The following ATAD2B variants were observed in gnomAD, a reference collection of about 807,000 sequenced individuals.
ATAD2B encodes the protein ATPase family AAA domain-containing protein 2B.
Under a neutral mutation model 167.6 loss-of-function variants are expected in ATAD2B, and 40 were observed. That is an observed-to-expected ratio of 0.24 (90% confidence interval 0.19 to 0.31). The LOEUF (loss-of-function observed/expected upper bound fraction) is 0.31. ATAD2B is among the 10% of genes least tolerant of loss of function. The pLI is 1.00. For synonymous variants in ATAD2B, 579 were observed against 596.5 expected (o/e 0.97, Z 0.43); for missense variants, 1,242 against 1,757.2 (o/e 0.71, Z 5.24).
intron 17 of ATAD2B, among the ~76,000 whole-genome samples, chr2:23,814,777 T>C (rs1686169182): frequency 6.6e-6 from 1 of 152,082 alleles, no homozygotes; most frequent in Non-Finnish European, 1.5e-5. Context: ...GAATGTGGCC[T>C]GGCGCAGTGT....
intron 10 of ATAD2B, among the ~76,000 whole-genome samples, chr2:23,866,836 G>T (rs969761348): frequency 1.3e-5 from 2 of 151,762 alleles, no homozygotes; most frequent in African/African-American, 4.8e-5. Flanking sequence ...AGAGATTTTT[G>T]GGAAAAAAGA....
chr2:23,756,492 C>G (rs938785724), intron 25 of ATAD2B, among the ~76,000 whole-genome samples: 1 of 152,072 alleles, frequency 6.6e-6, no homozygotes, highest in Non-Finnish European at 1.5e-5. Flanking sequence ...AGGATAGCCT[C>G]CTATAAGAGT....
chr2:23,736,852 C>T, the ATAD2B span, among the ~76,000 whole-genome samples: 8 of 152,172 alleles, frequency 5.3e-5, no homozygotes, highest in African/African-American at 1.2e-4. Context: ...CCTAATACTG[C>T]GCTTTTCCAA....
chr2:23,760,690 TTATATA>T (rs60333740), intron 24 of ATAD2B, among the ~76,000 whole-genome samples: 2 of 118,298 alleles, frequency 1.7e-5, no homozygotes, highest in African/African-American at 6.3e-5. Flanking sequence ...ATAAATAAAT[TTATATA>T]TATACACACA....
At chr2:23,832,083 C>T (rs1239161354) in intron 14 of ATAD2B, 2 of 344,694 alleles carry the variant, frequency 5.8e-6, no homozygotes, top group East Asian at 8.6e-5. Context: ...AATACAATGA[C>T]GAATTTTCTG....
At chr2:23,768,768 A>AT (rs1445613058) in intron 22 of ATAD2B, among the ~76,000 whole-genome samples, 1 of 152,148 alleles carries the variant, frequency 6.6e-6, no homozygotes. Flanking sequence ...TTTAATCAGG[A>AT]TTCTTTCACT....
chr2:23,746,458 T>C (rs1485111110), downstream of ATAD2B, among the ~76,000 whole-genome samples: 2 of 152,224 alleles, frequency 1.3e-5, no homozygotes, highest in Admixed American at 6.5e-5. Flanking sequence ...TATGTTAAAT[T>C]ATAAAAATGT....
intron 2 of ATAD2B, among the ~76,000 whole-genome samples, chr2:23,891,505 T>A (rs1179836576): frequency 6.6e-6 from 1 of 151,964 alleles, no homozygotes; most frequent in Non-Finnish European, 1.5e-5. Flanking sequence ...TTATTTATTA[T>A]TTTTTGAGGG....
intron 25 of ATAD2B, among the ~76,000 whole-genome samples, chr2:23,756,215 C>G (rs1675935316): frequency 1.3e-5 from 2 of 151,996 alleles, no homozygotes; most frequent in African/African-American, 4.8e-5. Flanking sequence ...ATCTGATAGC[C>G]CAGAATGAAT....
At chr2:23,723,740 T>G in the ATAD2B span, among the ~76,000 whole-genome samples, 1 of 152,104 alleles carries the variant, frequency 6.6e-6, no homozygotes, top group Non-Finnish European at 1.5e-5. Flanking sequence ...AACTACCATA[T>G]GATCCAGGAG....
chr2:23,858,024 T>A (rs1004313120), intron 12 of ATAD2B, among the ~76,000 whole-genome samples: 1 of 152,036 alleles, frequency 6.6e-6, no homozygotes, highest in South Asian at 2.1e-4. Context: ...ATTACAGGTG[T>A]GAGCCACCAC....
At chr2:23,840,348 A>G (rs981773353) in intron 13 of ATAD2B, among the ~76,000 whole-genome samples, 3 of 152,198 alleles carry the variant, frequency 2.0e-5, no homozygotes, top group Non-Finnish European at 4.4e-5. Flanking sequence ...TCTTCTTCTT[A>G]TCATGACCAA....
chr2:23,872,928 A>G (rs17038360), intron 8 of ATAD2B: 135,866 of 762,022 alleles, frequency 0.18, 13,070 homozygotes, highest in Middle Eastern at 0.25. Flanking sequence ...CCGGGCTCAC[A>G]TTGGCATTGT....
intron 1 of ATAD2B, among the ~76,000 whole-genome samples, chr2:23,908,463 CAATCATTAAA>C (rs1443025393): frequency 6.6e-6 from 1 of 152,116 alleles, no homozygotes; most frequent in Non-Finnish European, 1.5e-5. Flanking sequence ...GTTAGAATGG[CAATCATTAAA>C]AAGTCAGAAA....
intron 10 of ATAD2B, among the ~76,000 whole-genome samples, chr2:23,867,191 A>G (rs926073313): frequency 2.6e-5 from 4 of 152,158 alleles, no homozygotes; most frequent in Non-Finnish European, 5.9e-5. Context: ...TTCCTGCCTC[A>G]AACATTTATT....
In ATAD2B at chr2:23,885,333, TA is replaced by T. The variant is rs1222030956; in HGVS notation, c.675+393del. On this transcript the variant is annotated intron_variant, in intron 5 of 27. Transcript: ENST00000238789. Reference sequence around the variant, plus strand: ...CACTAACTAGAAATATTAACAAGAGTAAAAGTTATAGGAATAAGAATGATTT... The same window carrying T: ...CACTAACTAGAAATATTAACAAGAGTAAAGTTATAGGAATAAGAATGATTT... Among the ~76,000 whole-genome samples, 3 of 151,848 alleles carry T rather than the reference TA, an allele frequency of 2.0e-5. No homozygotes were observed. In the South Asian group the frequency reaches 6.2e-4, roughly 32 times the overall value.
intron 8 of ATAD2B, 120 bp downstream of exon 8, chr2:23,875,709 A>T (rs920741748): frequency 2.8e-6 from 2 of 713,218 alleles, no homozygotes; most frequent in Non-Finnish European, 4.8e-6. Context: ...GGCAAACTGA[A>T]TCTGGAAGAT....
chr2:23,767,973 A>T (rs1336822272), intron 22 of ATAD2B, among the ~76,000 whole-genome samples: 2 of 152,170 alleles, frequency 1.3e-5, no homozygotes, highest in African/African-American at 4.8e-5. Context: ...CAAAGAGTTC[A>T]GCTTCAGGCA....
chr2:23,699,278 A>C, the ATAD2B span, among the ~76,000 whole-genome samples: 1 of 152,136 alleles, frequency 6.6e-6, no homozygotes, highest in Non-Finnish European at 1.5e-5. Flanking sequence ...GCCTCCCAGG[A>C]AAGATGTGCT....
Sources: gnomAD v4.1 joint callset for allele counts (sites outside exome capture counted in the v4.1 genomes callset) on GRCh38, gnomAD v4.1.1 for gene constraint, MANE v1.5 for transcripts, NCBI Gene and HGNC (gene_info 2026-07-23, HGNC 2026-07-21) for gene names.